Variants in XIST observed in about 807,000 individuals in gnomAD.
The protein encoded by XIST is X inactive specific transcript (non-protein coding).
chrX:73,844,439 TCA>T (rs778688320), exon 1 of XIST: 1 of 558,806 alleles, frequency 1.8e-6, no homozygotes, highest in Non-Finnish European at 3.2e-6. Flanking sequence ...CAAAGAGGCC[TCA>T]GTGATCAGCA....
chrX:73,849,459 A>T (rs202093481), exon 1 of XIST: 23 of 557,060 alleles, frequency 4.1e-5, no homozygotes. Context: ...AAAGATCACT[A>T]CTCAAAATTG....
At position 73,839,501 on chromosome X, in the gene XIST, G is replaced by T. The variant is rs1339711906; in HGVS notation, n.11342+1881C>A. Among the ~76,000 whole-genome samples, 8 of 111,069 alleles carry T rather than the reference G, an allele frequency of 7.2e-5. No homozygotes were observed. In the Admixed American group the frequency reaches 7.7e-4, roughly 11 times the overall value. ...CAGTCTCGAGATGGTCAGATTGATG[G>T]TGATCTGAACCAAACTCAGAGCCAG... On this transcript the variant is annotated intron_variant and non_coding_transcript_variant, in intron 1 of 5. Transcript: ENST00000429829.
At chrX:73,832,563 A>AAGTT (rs776139158) in intron 3 of XIST, among the ~76,000 whole-genome samples, 102 of 111,937 alleles carry the variant, frequency 9.1e-4, no homozygotes, top group African/African-American at 3.2e-3. Context: ...AATACAGATG[A>AAGTT]AGTTAGTCTT....
At chrX:73,847,721 A>G (rs766815697) in exon 1 of XIST, 4 of 552,008 alleles carry the variant, frequency 7.2e-6, no homozygotes, top group Non-Finnish European at 1.3e-5. Context: ...TATGCACATT[A>G]AGAGTCATGG....
In XIST at chrX:73,844,026, G is replaced by T. The variant is rs1327799481; in HGVS notation, n.8698C>A. 8.9e-6 allele frequency: 5 copies of T among 558,941 alleles called. No homozygotes were observed. In the South Asian group the frequency reaches 1.1e-4, roughly 12 times the overall value. The allele number at this position is 558,941 out of a possible 1,213,427, so 46.1% of individuals were successfully genotyped here. On this transcript the variant is annotated non_coding_transcript_exon_variant, in exon 1 of 6. Transcript: ENST00000429829. ...GTATAATGGTCCTAGAAGTGATAGGGTTGTGGACAACTGCAATTATTCACA... is the reference window on the plus strand; with the variant it reads ...GTATAATGGTCCTAGAAGTGATAGGTTTGTGGACAACTGCAATTATTCACA...
rs1377273596 is a variant in XIST, at chrX:73,829,110, A to T, written n.11874T>A. 3 of 557,115 alleles carry T rather than the reference A, an allele frequency of 5.4e-6. No individual in the cohort carries two copies. In the African/African-American group the frequency reaches 6.7e-5, roughly 12 times the overall value. The allele number at this position is 557,115 out of a possible 1,213,427, so 45.9% of individuals were successfully genotyped here. The stretch of plus-strand genomic sequence containing the variant: ...AAGTGCTAGAGTGCCAGGCATGTTG[A>T]TCTTCAGGTGGGAAGGCTGACTTCC... On this transcript the variant is annotated non_coding_transcript_exon_variant, in exon 5 of 6. Coordinates refer to ENST00000429829, the Ensembl canonical transcript of XIST.
chrX:73,852,561 G>A (rs1427479538), exon 1 of XIST: 1 of 501,445 alleles, frequency 2.0e-6, no homozygotes, highest in Non-Finnish European at 3.5e-6. Context: ...AGAAAGTATA[G>A]AATTTAAAAA....
At chrX:73,834,535 G>C (rs770341877) in intron 2 of XIST, among the ~76,000 whole-genome samples, 242 of 112,394 alleles carry the variant, frequency 2.2e-3, no homozygotes, top group African/African-American at 7.5e-3. Flanking sequence ...CATTTCACTA[G>C]GGTTCAATAT....
In XIST at chrX:73,843,001, T is replaced by C. The variant is rs182971746; in HGVS notation, n.9723A>G. On this transcript the variant is annotated non_coding_transcript_exon_variant, in exon 1 of 6. Transcript: ENST00000429829. ...TACACACTGGCGCAATGCAAAAGGGTTGGGAGTATGGACCACTGTTTGATA... is the reference window on the plus strand; with the variant it reads ...TACACACTGGCGCAATGCAAAAGGGCTGGGAGTATGGACCACTGTTTGATA... The C allele has an allele frequency of 9.3e-5, 52 of 556,436 alleles. No individual in the cohort carries two copies. The African/African-American group carries it at 1.0e-3, about 11-fold the overall frequency. 45.9% of individuals were successfully genotyped at this position (556,436 alleles called of 1,213,427 possible). A position where few individuals can be genotyped will look rare whatever the true frequency, so the allele number is the denominator to read the frequency against.
exon 1 of XIST, chrX:73,847,765 A>G (rs963864291): frequency 3.6e-6 from 2 of 556,760 alleles, no homozygotes; most frequent in Admixed American, 2.2e-5. Context: ...GTCCCAAGAG[A>G]AGGACTCTGG....
At chrX:73,822,514 T>C in exon 6 of XIST, 1 of 513,482 alleles carries the variant, frequency 1.9e-6, no homozygotes, top group Non-Finnish European at 3.5e-6. Context: ...AATGAATGAA[T>C]ACATGAAAAA....
exon 1 of XIST, chrX:73,851,229 G>C: frequency 1.8e-6 from 1 of 559,353 alleles, no homozygotes; most frequent in Non-Finnish European, 3.2e-6. Flanking sequence ...AATGCGGCAA[G>C]CCCGCCATGA....
chrX:73,847,764 G>A (rs757135663), exon 1 of XIST: 36 of 556,894 alleles, frequency 6.5e-5, no homozygotes, highest in Non-Finnish European at 1.1e-4. Flanking sequence ...AGTCCCAAGA[G>A]AAGGACTCTG....
chrX:73,826,136 G>A lies in XIST; in HGVS notation n.13765C>T, dbSNP rs200029401. 1.2e-4 allele frequency: 67 copies of A among 557,712 alleles called. No individual in the cohort carries two copies. In the East Asian group the frequency reaches 2.1e-3, roughly 18 times the overall value. 46.0% of individuals were successfully genotyped at this position (557,712 alleles called of 1,213,427 possible). The stretch of plus-strand genomic sequence containing the variant: ...TCACCTAAGCTCAAAGAAGGAAGCT[G>A]TTGCTGGCAGGTGCTTCTCAGAAGT... On this transcript the variant is annotated non_coding_transcript_exon_variant, in exon 6 of 6. Transcript: ENST00000429829.
chrX:73,834,926 G>A (rs1020535194), intron 2 of XIST, among the ~76,000 whole-genome samples: 2 of 107,994 alleles, frequency 1.9e-5, no homozygotes, highest in Non-Finnish European at 3.8e-5. Context: ...CATGGGGGAA[G>A]GAGGTTGCAG....
exon 1 of XIST, chrX:73,850,687 G>A: frequency 1.4e-5 from 4 of 285,921 alleles, no homozygotes; most frequent in Non-Finnish European, 2.5e-5. Context: ...ACCAGAGGGG[G>A]GTAGGGGGGT....
exon 1 of XIST, chrX:73,852,691 C>T: frequency 4.4e-6 from 2 of 453,071 alleles, no homozygotes; most frequent in South Asian, 3.6e-5. Flanking sequence ...AGGAAGCTTC[C>T]AGCCCCGAGA....
exon 1 of XIST, chrX:73,846,474 G>A (rs753106826): frequency 1.8e-6 from 1 of 558,934 alleles, no homozygotes; most frequent in Non-Finnish European, 3.2e-6. Context: ...GCCAAGAAAA[G>A]GGGACTGCGT....
In XIST at chrX:73,823,546, C is replaced by G. The variant is rs771952067; in HGVS notation, n.16355G>C. ...AAGATGCTTTGTTTATCAAATGAAT[C>G]AAAAAGCACGCCTGAGGCATTTATT... On this transcript the variant is annotated non_coding_transcript_exon_variant, in exon 6 of 6. Transcript: ENST00000429829. The G allele has an allele frequency of 1.3e-5, 7 of 555,025 alleles. No individual in the cohort carries two copies. In the South Asian group the frequency reaches 1.3e-4, roughly 11 times the overall value. The allele number at this position is 555,025 out of a possible 1,213,427, so 45.7% of individuals were successfully genotyped here. A position where few individuals can be genotyped will look rare whatever the true frequency, so the allele number is the denominator to read the frequency against.
Sources: gnomAD v4.1 joint callset for allele counts (sites outside exome capture counted in the v4.1 genomes callset) on GRCh38, gnomAD v4.1.1 for gene constraint, MANE v1.5 for transcripts, NCBI Gene and HGNC (gene_info 2026-07-23, HGNC 2026-07-21) for gene names.